Variants in OR2L13 observed in about 807,000 individuals in gnomAD.
OR2L13 encodes the protein olfactory receptor family 2 subfamily L member 13, also known as olfactory receptor 2L13.
A neutral mutation model predicts 15.3 loss-of-function variants in OR2L13; 14 were observed. That is an observed-to-expected ratio of 0.91 (90% confidence interval 0.60 to 1.43). The LOEUF is 1.43. OR2L13 is among the 40% of genes most tolerant of loss of function. The pLI is 0.00. For missense variants in OR2L13, 367 were observed against 387.9 expected, an observed-to-expected ratio of 0.95 and a Z score of 0.45; for synonymous variants, 152 against 142.9, an observed-to-expected ratio of 1.06 and a Z score of -0.45.
the OR2L13 span, among the ~76,000 whole-genome samples, chr1:247,957,381 CAGG>C: frequency 6.6e-6 from 1 of 152,162 alleles, no homozygotes; most frequent in East Asian, 1.9e-4. Context: ...CGATGTTCAT[CAGG>C]GATATTGGTC....
At chr1:248,085,417 A>G in the OR2L13 span, among the ~76,000 whole-genome samples, 2 of 27,936 alleles carry the variant, frequency 7.2e-5, no homozygotes, top group African/African-American at 3.1e-4. Flanking sequence ...ATAAAATAAA[A>G]TAATAAAATA....
chr1:248,018,112 A>G, the OR2L13 span, among the ~76,000 whole-genome samples: 10 of 150,340 alleles, frequency 6.7e-5, no homozygotes, highest in East Asian at 4.0e-4. Context: ...CCGAGATCAC[A>G]CCACTGCACT....
chr1:248,080,330 C>T, the OR2L13 span, among the ~76,000 whole-genome samples: 1 of 151,900 alleles, frequency 6.6e-6, no homozygotes, highest in Non-Finnish European at 1.5e-5. Context: ...AGAACATGAG[C>T]GGGTTTGTTG....
chr1:248,033,679 C>A, the OR2L13 span, among the ~76,000 whole-genome samples: 2 of 151,314 alleles, frequency 1.3e-5, no homozygotes, highest in South Asian at 4.2e-4. Flanking sequence ...TGAGCTCAAG[C>A]AATTCTGCCT....
the OR2L13 span, among the ~76,000 whole-genome samples, chr1:248,063,911 A>T: frequency 6.6e-6 from 1 of 152,188 alleles, no homozygotes; most frequent in African/African-American, 2.4e-5. Flanking sequence ...ACTGCTTGCT[A>T]ATGCTGCCAA....
chr1:248,084,861 T>C, the OR2L13 span, among the ~76,000 whole-genome samples: 4 of 152,112 alleles, frequency 2.6e-5, no homozygotes, highest in Non-Finnish European at 5.9e-5. Flanking sequence ...ACTAGCATCT[T>C]TGAGATGATA....
chr1:247,972,084 A>C, the OR2L13 span, among the ~76,000 whole-genome samples: 2 of 152,230 alleles, frequency 1.3e-5, no homozygotes, highest in African/African-American at 4.8e-5. Flanking sequence ...GAACAAAGAC[A>C]TAACATACCA....
chr1:248,083,792 G>A, the OR2L13 span: 188 of 1,613,492 alleles, frequency 1.2e-4, no homozygotes, highest in African/African-American at 5.2e-4. Flanking sequence ...CAACCTTGTC[G>A]TGGTTAGTGG....
the OR2L13 span, among the ~76,000 whole-genome samples, chr1:248,002,323 A>G: frequency 1.3e-5 from 2 of 152,316 alleles, no homozygotes; most frequent in African/African-American, 2.4e-5. Context: ...GTCATTAAGC[A>G]CATATACTGT....
the OR2L13 span, among the ~76,000 whole-genome samples, chr1:248,065,364 T>C: frequency 2.0e-5 from 3 of 152,160 alleles, no homozygotes; most frequent in Admixed American, 1.3e-4. Context: ...GTTTGATTTA[T>C]GGAAAGGGAC....
chr1:248,099,725 T>C (rs142252217), exon 3 of OR2L13: 4 of 1,614,172 alleles, frequency 2.5e-6, no homozygotes, highest in East Asian at 2.2e-5. Flanking sequence ...CTGACCTCCA[T>C]GGCCTACGAC....
the OR2L13 span, among the ~76,000 whole-genome samples, chr1:247,963,791 TCATTC>T: frequency 6.6e-6 from 1 of 152,326 alleles, no homozygotes; most frequent in East Asian, 1.9e-4. Context: ...TCATTGTGTA[TCATTC>T]CATAGGTAGA....
At chr1:248,022,892 C>T in the OR2L13 span, 55 of 1,596,010 alleles carry the variant, frequency 3.4e-5, no homozygotes, top group South Asian at 4.2e-4. Context: ...TGTAGACATA[C>T]GTTCTGTGTT....
At chr1:247,950,323 C>T in the OR2L13 span, among the ~76,000 whole-genome samples, 1 of 152,108 alleles carries the variant, frequency 6.6e-6, no homozygotes. Context: ...ATCAGTGGTT[C>T]TTAAGTCCTG....
chr1:248,041,375 C>G, the OR2L13 span: 1 of 152,238 alleles, frequency 6.6e-6, no homozygotes, highest in Non-Finnish European at 1.5e-5. Context: ...GGATTAAAGA[C>G]TTAAACGTTA....
At chr1:248,073,254 A>G in the OR2L13 span, among the ~76,000 whole-genome samples, 1 of 152,368 alleles carries the variant, frequency 6.6e-6, no homozygotes, top group South Asian at 2.1e-4. Context: ...AGACTGGATT[A>G]AGAAAATGTG....
chr1:248,095,737 G>C (rs536053619), upstream of OR2L13, among the ~76,000 whole-genome samples: 22 of 149,860 alleles, frequency 1.5e-4, no homozygotes, highest in Middle Eastern at 3.5e-3. Context: ...CTCCCGAGTG[G>C]ATGGGATCAC....
the OR2L13 span, among the ~76,000 whole-genome samples, chr1:248,007,388 C>G: frequency 6.6e-6 from 1 of 152,176 alleles, no homozygotes; most frequent in Admixed American, 6.5e-5. Context: ...GGCTCTGGCT[C>G]AGGAAAGCAA....
At chr1:248,052,393 C>A in the OR2L13 span, among the ~76,000 whole-genome samples, 7 of 152,202 alleles carry the variant, frequency 4.6e-5, no homozygotes, top group East Asian at 1.4e-3. Flanking sequence ...GTGCCATTGC[C>A]ACATTGTTTT....
Sources: allele counts gnomAD v4.1 joint callset (sites outside exome capture counted in the v4.1 genomes callset), GRCh38; gene constraint gnomAD v4.1.1; transcripts MANE v1.5; gene names NCBI Gene and HGNC (gene_info 2026-07-23, HGNC 2026-07-21).